KCNQ2: variants seen among roughly 807,000 people sequenced by gnomAD.
KCNQ2 encodes the protein potassium voltage-gated channel subfamily Q member 2.
In KCNQ2, 14 loss-of-function variants were observed where a neutral mutation model predicts 84.8. The ratio of observed to expected loss-of-function variants is 0.17; its 90% CI spans 0.11 to 0.26. KCNQ2 has a LOEUF of 0.26. KCNQ2 is among the 10% of genes least tolerant of loss of function. The probability of loss-of-function intolerance (pLI) is 1.00; values close to 1 mark genes in which losing one functional copy is unlikely to be tolerated. For synonymous variants in KCNQ2, 599 were observed against 554.1 expected, an observed-to-expected ratio of 1.08 and a Z score of -1.14; for missense variants, 788 against 1,254.0, an observed-to-expected ratio of 0.63 and a Z score of 5.61.
At chr20:63,431,048 G>A (rs1012414042) in intron 9 of KCNQ2, among the ~76,000 whole-genome samples, 9 of 152,194 alleles carry the variant, frequency 5.9e-5, no homozygotes, top group South Asian at 2.1e-4. Flanking sequence ...GGACACAGGC[G>A]GGCTGGCAAC....
chr20:63,443,379 TCATCACCACCACCATCAC>T, intron 4 of KCNQ2, among the ~76,000 whole-genome samples: 1 of 17,222 alleles, frequency 5.8e-5, no homozygotes, highest in Non-Finnish European at 1.3e-4. Context: ...ATCACCACCA[TCATCACCACCACCATCAC>T]CATCACCACC....
rs375533839 is a variant in KCNQ2, at chr20:63,459,745, C to G, written c.296+12423G>C. On this transcript the variant is annotated intron_variant, in intron 1 of 16. Coordinates refer to ENST00000359125, the MANE Select transcript of KCNQ2 (RefSeq NM_172107.4). ...TCTGCATGTTAGGATAATTTAACCT[C>G]TATTTTTAAAAAACAAAATAAACCG... Among the ~76,000 whole-genome samples the G allele has an allele frequency of 3.3e-5, 5 of 152,204 alleles. No homozygotes were observed. The East Asian group carries it at 5.8e-4, about 18-fold the overall frequency.
Position 63,444,645 on chromosome 20 carries a change from G to T in KCNQ2, c.690+14C>A. 6.5e-7 allele frequency: 1 copy of T among 1,537,386 alleles called. No homozygotes were observed. The highest frequency in any genetic ancestry group is 8.8e-7 in the Non-Finnish European group (1 of 1,136,126). On this transcript the variant is annotated intron_variant, in intron 4 of 16. Coordinates refer to ENST00000359125, the MANE Select transcript of KCNQ2 (RefSeq NM_172107.4). ...CTGGGGGCGCCCACCGCCAGCCTTG[G>T]GGCCGTGACTCACCTTGCTGTGGGC... is the stretch of plus-strand genomic sequence containing the variant.
chr20:63,425,371 C>T lies in KCNQ2; in HGVS notation c.1218-1165G>A, dbSNP rs1480711547. ...AGAATACACTCACCCCTGCCAAGAT[C>T]CCCCAAAATCTCCACCCTCTGCAGC... On this transcript the variant is annotated intron_variant, in intron 10 of 16. Transcript: ENST00000359125. The surrounding 1 kb of genome is among the most constrained non-coding windows in gnomAD (Gnocchi z 5.5). Among the ~76,000 whole-genome samples the T allele has an allele frequency of 6.6e-6, 1 of 152,126 alleles. No individual in the cohort carries two copies. The highest frequency in any genetic ancestry group is 1.9e-4 in the East Asian group (1 of 5,194).
At chr20:63,421,829 C>G (rs1022744413) in intron 11 of KCNQ2, among the ~76,000 whole-genome samples, 1 of 151,984 alleles carries the variant, frequency 6.6e-6, no homozygotes, top group African/African-American at 2.4e-5. Context: ...CCCCCCGGGA[C>G]CCCCCTGGGG....
intron 1 of KCNQ2, among the ~76,000 whole-genome samples, chr20:63,452,918 G>A (rs1449074391): frequency 6.6e-6 from 1 of 152,232 alleles, no homozygotes; most frequent in Non-Finnish European, 1.5e-5. Context: ...GCAGGGGCAG[G>A]GGTTGGGGCG....
Position 63,442,533 on chromosome 20 carries a change from TGA to T in KCNQ2, c.691-4_691-3del. The T allele has an allele frequency of 6.2e-7, 1 of 1,612,886 alleles. No homozygotes were observed. Among genetic ancestry groups the T allele is most frequent in the Non-Finnish European group, 8.5e-7 (1 of 1,179,750 alleles). Reference sequence around the variant, plus strand: ...GATGTACCAGGCAGTGACCAGCTCCTGAGAGGCAGACGGCACCACCATCATGA... The same window carrying T: ...GATGTACCAGGCAGTGACCAGCTCCTGAGGCAGACGGCACCACCATCATGA... On this transcript the variant is annotated splice_polypyrimidine_tract_variant and splice_region_variant and intron_variant, in intron 4 of 16. Coordinates refer to ENST00000359125, the MANE Select transcript of KCNQ2 (RefSeq NM_172107.4).
intron 10 of KCNQ2, among the ~76,000 whole-genome samples, chr20:63,424,905 G>C (rs1384464034): frequency 6.6e-6 from 1 of 152,228 alleles, no homozygotes; most frequent in Non-Finnish European, 1.5e-5. Flanking sequence ...GCCCCGGCTG[G>C]TACGCCGTGT....
Position 63,472,182 on chromosome 20 carries a change from G to A in KCNQ2, c.282C>T (p.Ile94=). The part of the protein sequence containing the change: ...VLERPRGWAF[I]YHAYVFLLVF... ...CGGCCACTCACACGTAGGCGTGGTA[G>A]ATGAACGCCCAGCCGCGCGGCCGCT... The change falls in exon 1 of 17, where the codon ATC becomes ATT. Residue 94 remains isoleucine (I), a synonymous_variant. Transcript: ENST00000359125. 1 of 1,532,296 alleles carries A rather than the reference G, an allele frequency of 6.5e-7. No homozygotes were observed. The highest frequency in any genetic ancestry group is 1.2e-5 in the South Asian group (1 of 81,236). The allele number at this position is 1,532,296 out of a possible 1,614,324, so 94.9% of individuals were successfully genotyped here.
rs2079990320 is a variant in KCNQ2, at chr20:63,407,611, T to G, written c.1888-236A>C. On this transcript the variant is annotated intron_variant, in intron 16 of 16. Transcript: ENST00000359125. The surrounding 1 kb of genome is among the most constrained non-coding windows in gnomAD (Gnocchi z 7.2). ...AGGAAACAGGAGAGACCCAGGCTAG[T>G]CCCAGGAAATGGGGGACCCAGGCTA... Among the ~76,000 whole-genome samples, 1 of 148,104 alleles carries G rather than the reference T, an allele frequency of 6.8e-6. No homozygotes were observed. Among genetic ancestry groups the G allele is most frequent in the Admixed American group, 6.7e-5 (1 of 14,994 alleles).
At chr20:63,444,966 C>T in intron 3 of KCNQ2, 132 bp from the exon 4 acceptor site, 1 of 1,099,134 alleles carries the variant, frequency 9.1e-7, no homozygotes, top group Non-Finnish European at 1.3e-6. Context: ...CTGGTGTGGG[C>T]TCTGTCAGGC....
chr20:63,407,324 G>A lies in KCNQ2; in HGVS notation c.1939C>T (p.Arg647Trp), dbSNP rs773450069. The A allele has an allele frequency of 2.5e-6, 4 of 1,596,908 alleles. No homozygotes were observed. Among genetic ancestry groups the A allele is most frequent in the Non-Finnish European group, 3.4e-6 (4 of 1,178,786 alleles). Residue 647 changes from arginine (R) to tryptophan (W), a missense_variant, in exon 17 of 17, where the codon CGG becomes TGG. Arg to Trp is a moderately radical substitution (Grantham distance 101, BLOSUM62 -3). Around this residue, in one of 8 missense-constraint regions of KCNQ2, gnomAD observed 378 missense variants for 434.5 expected, o/e 0.87. Coordinates refer to ENST00000359125, the MANE Select transcript of KCNQ2 (RefSeq NM_172107.4). The surrounding 1 kb of genome is among the most constrained non-coding windows in gnomAD (Gnocchi z 7.2). ...GTCTCTGTCGGGGGGATGCCCATCC[G>A]CTGCATGTAGATATTCACCAGGAAG... The part of the protein sequence containing the change: ...LDFLVNIYMQ[R>W]MGIPPTETEA...
chr20:63,446,266 G>A lies in KCNQ2; in HGVS notation c.387+481C>T. On this transcript the variant is annotated intron_variant, in intron 2 of 16. Coordinates refer to ENST00000359125, the MANE Select transcript of KCNQ2 (RefSeq NM_172107.4). The surrounding 1 kb of genome is among the most constrained non-coding windows in gnomAD (Gnocchi z 5.5). Reference sequence around the variant, plus strand: ...GTAGAGGGAGGTGCATTTGGATGGGGACCAGTCTCCTTGAGGGCCCCCCAC... The same window carrying A: ...GTAGAGGGAGGTGCATTTGGATGGGAACCAGTCTCCTTGAGGGCCCCCCAC... The A allele has an allele frequency of 3.9e-6, 1 of 258,824 alleles. No individual in the cohort carries two copies. Among genetic ancestry groups the A allele is most frequent in the Non-Finnish European group, 7.6e-6 (1 of 131,782 alleles). The allele number at this position is 258,824 out of a possible 1,614,324, so 16.0% of individuals were successfully genotyped here.
chr20:63,446,914 C>A lies in KCNQ2; in HGVS notation c.297-77G>T. 1 of 1,272,698 alleles carries A rather than the reference C, an allele frequency of 7.9e-7. No homozygotes were observed. Among genetic ancestry groups the A allele is most frequent in the South Asian group, 1.2e-5 (1 of 84,280 alleles). 78.8% of individuals were successfully genotyped at this position (1,272,698 alleles called of 1,614,324 possible). The stretch of plus-strand genomic sequence containing the variant: ...TGGCTGTGTCTCCAGAACTCAGGAC[C>A]CCACTCCCCACCAGGCCGCAGCAGG... On this transcript the variant is annotated intron_variant, in intron 1 of 16. Coordinates refer to ENST00000359125, the MANE Select transcript of KCNQ2 (RefSeq NM_172107.4). The surrounding 1 kb of genome is among the most constrained non-coding windows in gnomAD (Gnocchi z 5.5).
intron 1 of KCNQ2, among the ~76,000 whole-genome samples, chr20:63,464,886 C>T (rs2082044282): frequency 6.6e-6 from 1 of 152,260 alleles, no homozygotes; most frequent in African/African-American, 2.4e-5. Context: ...CACGCACCCC[C>T]AGTCCCGTCC....
At chr20:63,445,120 G>A in intron 3 of KCNQ2, 118 bp downstream of exon 3, 1 of 1,368,788 alleles carries the variant, frequency 7.3e-7, no homozygotes, top group Non-Finnish European at 1.0e-6. Context: ...ACTTCCAGAA[G>A]GAGCCAGTCC....
chr20:63,469,759 C>CA (rs1310946801), intron 1 of KCNQ2, among the ~76,000 whole-genome samples: 1 of 152,256 alleles, frequency 6.6e-6, no homozygotes, highest in Non-Finnish European at 1.5e-5. Flanking sequence ...AGCTGATGAA[C>CA]AAACAGACCA....
Position 63,438,568 on chromosome 20 carries a change from A to G in KCNQ2, c.1023+57T>C. ...AAAGCCCCAGCGGCCTCCACTCCTC[A>G]ACAAGGTGGGACCAGGACAAGGGCT... On this transcript the variant is annotated intron_variant, in intron 7 of 16. Transcript: ENST00000359125. The surrounding 1 kb of genome is among the most constrained non-coding windows in gnomAD (Gnocchi z 5.1). The G allele has an allele frequency of 2.7e-6, 4 of 1,497,824 alleles. No homozygotes were observed. The highest frequency in any genetic ancestry group is 3.7e-6 in the Non-Finnish European group (4 of 1,076,128). 92.8% of individuals were successfully genotyped at this position (1,497,824 alleles called of 1,614,324 possible).
rs989657392 is a variant in KCNQ2 at position 63,459,646 on chromosome 20, T to G, written c.296+12522A>C. ...CCACATGGGGTGACAAGTTTTCAAA[T>G]AGGGCTGGTGGCGGCAGACCATCAC... On this transcript the variant is annotated intron_variant, in intron 1 of 16. Coordinates refer to ENST00000359125, the MANE Select transcript of KCNQ2 (RefSeq NM_172107.4). The G allele has an allele frequency of 7.2e-5, 11 of 152,286 alleles. No homozygotes were observed. The East Asian group carries it at 1.5e-3, about 21-fold the overall frequency. The allele number at this position is 152,286 out of a possible 1,614,324, so 9.4% of individuals were successfully genotyped here.
Sources: gnomAD v4.1 joint callset for allele counts (sites outside exome capture counted in the v4.1 genomes callset) on GRCh38, gnomAD v4.1.1 for gene constraint, gnomAD v4.1.1 regional missense constraint, Gnocchi (gnomAD v3.1) non-coding constraint, MANE v1.5 for transcripts, NCBI Gene and HGNC (gene_info 2026-07-23, HGNC 2026-07-21) for gene names.